STAG1: variants seen among roughly 807,000 people sequenced by gnomAD.
STAG1 encodes STAG1 cohesin complex component.
Under a neutral mutation model 170.9 loss-of-function variants are expected in STAG1, and 26 were observed. The observed-to-expected ratio is 0.15, with a 90% CI of 0.11 to 0.21. The LOEUF (loss-of-function observed/expected upper bound fraction) is 0.21. Among genes scored for constraint, STAG1 ranks in the 10% least tolerant of loss-of-function variants. STAG1 has a pLI of 1.00. For missense variants in STAG1, 964 were observed against 1,509.5 expected (o/e 0.64, Z 5.99); for synonymous variants, 514 against 497.7 (o/e 1.03, Z -0.44).
chr3:136,453,265 A>T (rs2088998070), intron 13 of STAG1, among the ~76,000 whole-genome samples: 1 of 152,162 alleles, frequency 6.6e-6, no homozygotes, highest in Non-Finnish European at 1.5e-5. Context: ...TGAAATTTTT[A>T]ATTTGTTTAG....
chr3:136,494,553 C>T (rs1361094972), intron 9 of STAG1, among the ~76,000 whole-genome samples: 1 of 152,200 alleles, frequency 6.6e-6, no homozygotes, highest in East Asian at 1.9e-4. Context: ...CAAACTGAAT[C>T]CAGTAGCATA....
At chr3:136,365,109 T>A (rs1002528864) in intron 25 of STAG1, among the ~76,000 whole-genome samples, 1 of 152,126 alleles carries the variant, frequency 6.6e-6, no homozygotes, top group African/African-American at 2.4e-5. Context: ...AATAGAAGTG[T>A]CCCTGAAATG....
In STAG1 at chr3:136,743,045, C is replaced by T. The variant is rs1016713231; in HGVS notation, c.-84+9150G>A. On this transcript the variant is annotated intron_variant, in intron 1 of 33. Coordinates refer to ENST00000383202, the MANE Select transcript of STAG1 (RefSeq NM_005862.3). Reference sequence around the variant, plus strand: ...TCAGTTGGTTATTTGAAAAAATAACCGATAAATCACTAGACTGGTCAAGAT... The same window carrying T: ...TCAGTTGGTTATTTGAAAAAATAACTGATAAATCACTAGACTGGTCAAGAT... Among the ~76,000 whole-genome samples the T allele has an allele frequency of 2.0e-5, 3 of 152,024 alleles. No individual in the cohort carries two copies. The East Asian group carries it at 5.8e-4, about 29-fold the overall frequency.
At chr3:136,401,256 C>G (rs771224216) in intron 21 of STAG1, among the ~76,000 whole-genome samples, 1 of 152,086 alleles carries the variant, frequency 6.6e-6, no homozygotes, top group Admixed American at 6.5e-5. Flanking sequence ...TAAGATACAT[C>G]AAGTATTCAA....
At chr3:136,746,852 T>G (rs528839510) in intron 1 of STAG1, among the ~76,000 whole-genome samples, 1 of 151,912 alleles carries the variant, frequency 6.6e-6, no homozygotes, top group East Asian at 1.9e-4. Flanking sequence ...ATCCCAGCAC[T>G]TTCGGAGGCC....
intron 28 of STAG1, among the ~76,000 whole-genome samples, chr3:136,352,655 T>G (rs1368291233): frequency 6.6e-6 from 1 of 152,226 alleles, no homozygotes; most frequent in Admixed American, 6.5e-5. Context: ...CTTTTAGCTG[T>G]GTACTTTAAT....
At chr3:136,589,626 GCCAAAA>G (rs1938044647) in intron 4 of STAG1, among the ~76,000 whole-genome samples, 1 of 96,058 alleles carries the variant, frequency 1.0e-5, no homozygotes, top group Admixed American at 1.2e-4. Context: ...AACAAAGGGA[GCCAAAA>G]AAAAAAAAAA....
intron 15 of STAG1, among the ~76,000 whole-genome samples, chr3:136,442,694 A>T (rs1478743247): frequency 1.6e-5 from 1 of 61,004 alleles, no homozygotes; most frequent in Non-Finnish European, 3.4e-5. Context: ...GGATGTACTT[A>T]AAAAAAAAAA....
chr3:136,652,071 C>T (rs940988236), intron 1 of STAG1, among the ~76,000 whole-genome samples: 2 of 152,086 alleles, frequency 1.3e-5, no homozygotes, highest in Admixed American at 1.3e-4. Flanking sequence ...GAGCTAAGGC[C>T]TTCTTGTGCA....
chr3:136,459,292 G>A (rs1190330158), intron 13 of STAG1, among the ~76,000 whole-genome samples: 1 of 151,376 alleles, frequency 6.6e-6, no homozygotes, highest in African/African-American at 2.4e-5. Context: ...TGGTAAAAGG[G>A]TCAATATGAC....
chr3:136,364,783 T>C (rs1049430439), intron 25 of STAG1, among the ~76,000 whole-genome samples: 2 of 152,222 alleles, frequency 1.3e-5, no homozygotes, highest in Admixed American at 1.3e-4. Context: ...AGCTAAAGTC[T>C]ACAGCCTATG....
At chr3:136,367,170 T>A in intron 24 of STAG1, 88 bp from the exon 25 acceptor site, 1 of 1,082,420 alleles carries the variant, frequency 9.2e-7, no homozygotes, top group Non-Finnish European at 1.3e-6. Flanking sequence ...AAAATTAGCT[T>A]AATATTATAA....
At chr3:136,353,485 C>T (rs774354588) in intron 28 of STAG1, among the ~76,000 whole-genome samples, 2 of 152,166 alleles carry the variant, frequency 1.3e-5, no homozygotes, top group African/African-American at 2.4e-5. Flanking sequence ...TCACTACATA[C>T]AAAGAAAATC....
intron 1 of STAG1, among the ~76,000 whole-genome samples, chr3:136,657,319 C>G (rs1576724342): frequency 6.6e-6 from 1 of 151,428 alleles, no homozygotes; most frequent in East Asian, 1.9e-4. Context: ...GTCCCTCAGC[C>G]GCCCGAGTAG....
At chr3:136,513,922 A>G (rs778764909) in intron 7 of STAG1, among the ~76,000 whole-genome samples, 5 of 152,188 alleles carry the variant, frequency 3.3e-5, no homozygotes, top group Admixed American at 6.5e-5. Context: ...GCATAATTTT[A>G]AAAAATTAAA....
intron 5 of STAG1, among the ~76,000 whole-genome samples, chr3:136,566,267 C>G (rs1434341310): frequency 6.6e-6 from 1 of 152,050 alleles, no homozygotes. Flanking sequence ...AAAGGGGACT[C>G]CAGAAAACGC....
At chr3:136,650,042 C>T (rs1941161182) in intron 1 of STAG1, among the ~76,000 whole-genome samples, 3 of 152,044 alleles carry the variant, frequency 2.0e-5, no homozygotes, top group Admixed American at 2.0e-4. Flanking sequence ...GCTGGGATTA[C>T]AGGCGTGAGC....
At chr3:136,688,915 A>T (rs1942628587) in intron 1 of STAG1, among the ~76,000 whole-genome samples, 1 of 152,174 alleles carries the variant, frequency 6.6e-6, no homozygotes, top group Non-Finnish European at 1.5e-5. Context: ...GGTTTCCATA[A>T]ATTTTGCCAA....
At chr3:136,347,993 C>G (rs1175583981) in intron 29 of STAG1, among the ~76,000 whole-genome samples, 1 of 152,302 alleles carries the variant, frequency 6.6e-6, no homozygotes, top group Non-Finnish European at 1.5e-5. Flanking sequence ...ACAGTCAATA[C>G]TGTTTCCCCA....
Sources: allele counts gnomAD v4.1 joint callset (sites outside exome capture counted in the v4.1 genomes callset), GRCh38; gene constraint gnomAD v4.1.1; transcripts MANE v1.5; gene names NCBI Gene and HGNC (gene_info 2026-07-23, HGNC 2026-07-21).